The following OSBPL5 variants were observed in gnomAD, a reference collection of about 807,000 sequenced individuals.
OSBPL5 encodes the protein oxysterol binding protein like 5.
OSBPL5 carries 71 observed loss-of-function variants against 111.2 expected under a neutral mutation model. The observed-to-expected ratio is 0.64, with a 90% confidence interval of 0.53 to 0.78. The LOEUF (loss-of-function observed/expected upper bound fraction) is 0.78, where lower values mean the gene tolerates loss of function less well. Ranked by LOEUF, OSBPL5 falls within the 30% of genes least tolerant of loss-of-function variation. The probability of loss-of-function intolerance (pLI) is 0.00; values close to 1 mark genes in which losing one functional copy is unlikely to be tolerated. For synonymous variants in OSBPL5, 549 were observed against 513.9 expected, an observed-to-expected ratio of 1.07 and a Z score of -0.93; for missense variants, 1,210 against 1,189.3, an observed-to-expected ratio of 1.02 and a Z score of -0.26.
intron 13 of OSBPL5, among the ~76,000 whole-genome samples, chr11:3,100,865 G>A (rs779466710): frequency 2.0e-5 from 3 of 152,186 alleles, no homozygotes; most frequent in African/African-American, 4.8e-5. Context: ...CAGTCCAATG[G>A]GGCTGTCTCT....
At chr11:3,094,988 T>G (rs555902527) in intron 14 of OSBPL5, 1 of 152,106 alleles carries the variant, frequency 6.6e-6, no homozygotes, top group Non-Finnish European at 1.5e-5. Context: ...ACCCAAACAT[T>G]TGCACTCTAA....
In OSBPL5 at chr11:3,121,237, T is replaced by C. The variant is rs1370398234; in HGVS notation, c.403-613A>G. 6.6e-6 allele frequency among the ~76,000 whole-genome samples: 1 copy of C among 151,986 alleles called. No homozygotes were observed. Among genetic ancestry groups the C allele is most frequent in the Non-Finnish European group, 1.5e-5 (1 of 67,984 alleles). ...CATGCCTGGCTAATTTCTGTATTTTTAGTAGAGACGGGGTTTTGCCATTTT... is the reference window on the plus strand; with the variant it reads ...CATGCCTGGCTAATTTCTGTATTTTCAGTAGAGACGGGGTTTTGCCATTTT... On this transcript the variant is annotated intron_variant, in intron 5 of 21. Coordinates refer to ENST00000263650, the MANE Select transcript of OSBPL5 (RefSeq NM_020896.4). The surrounding 1 kb of genome is among the most constrained non-coding windows in gnomAD (Gnocchi z 4.3).
intron 12 of OSBPL5, among the ~76,000 whole-genome samples, chr11:3,101,926 G>A (rs187410433): frequency 1.3e-5 from 2 of 152,310 alleles, no homozygotes; most frequent in African/African-American, 4.8e-5. Flanking sequence ...AGTCCCCATC[G>A]GGAGATGGGA....
chr11:3,102,240 G>C lies in OSBPL5; in HGVS notation c.1368C>G (p.Phe456Leu). The change falls in exon 12 of 22, where the codon TTC becomes TTG. Residue 456 changes from phenylalanine to leucine, a missense_variant. By Grantham distance (22) the Phe-to-Leu change is conservative. Transcript: ENST00000263650. ...TCTGCGGGTGGAACCAGCAGCAGCG[G>C]AAGGTCTCCCCCAGGATGGGGTTGT... ...KPYNPILGET[F>L]RCCWFHPQTD... 1 of 1,609,082 alleles carries C rather than the reference G, an allele frequency of 6.2e-7. No individual in the cohort carries two copies. Among genetic ancestry groups the C allele is most frequent in the Non-Finnish European group, 8.5e-7 (1 of 1,178,192 alleles).
At chr11:3,120,660 T>A in intron 5 of OSBPL5, 36 bp from the exon 6 acceptor site, 4 of 1,602,042 alleles carry the variant, frequency 2.5e-6, no homozygotes, top group Non-Finnish European at 3.4e-6. Flanking sequence ...GCCCACCCTC[T>A]GGGGCCGCCA....
intron 1 of OSBPL5, among the ~76,000 whole-genome samples, chr11:3,134,810 G>A: frequency 6.6e-6 from 1 of 152,066 alleles, no homozygotes; most frequent in East Asian, 1.9e-4. Context: ...GGTGGGGTGG[G>A]GGTGATCCTG....
At chr11:3,101,776 A>G (rs1364907901) in intron 12 of OSBPL5, 77 bp from the exon 13 acceptor site, 1 of 1,226,518 alleles carries the variant, frequency 8.2e-7, no homozygotes, top group East Asian at 2.4e-5. Flanking sequence ...GCTTCCCCCA[A>G]AAAACCTGTC....
In OSBPL5 at chr11:3,142,706, T is replaced by C. The variant is rs1462938471; in HGVS notation, c.-21-13537A>G. 6.6e-6 allele frequency among the ~76,000 whole-genome samples: 1 copy of C among 152,112 alleles called. No homozygotes were observed. Among genetic ancestry groups the C allele is most frequent in the Non-Finnish European group, 1.5e-5 (1 of 68,012 alleles). ...CCACTCAGGTGGAGACCTGTCCCTC[T>C]GTCTCCGTGTCCGCGGGGCCCGGCA... On this transcript the variant is annotated intron_variant, in intron 1 of 21. Transcript: ENST00000263650. This position sits in a 1 kb window ranked among gnomAD's most constrained non-coding sequence, Gnocchi z 7.1.
In OSBPL5 at chr11:3,122,087, C is replaced by T; in HGVS notation, c.312G>A (p.Glu104=). 4 of 1,573,076 alleles carry T rather than the reference C, an allele frequency of 2.5e-6. No homozygotes were observed. Among genetic ancestry groups the T allele is most frequent in the African/African-American group, 1.3e-5 (1 of 74,522 alleles). Residue 104 remains glutamate, a synonymous_variant, in exon 5 of 22, where the codon GAG becomes GAA. Coordinates refer to ENST00000263650, the MANE Select transcript of OSBPL5 (RefSeq NM_020896.4). ...TKKETLKAQK[E]NYRQEKKRAT... ...CGCGCTTCTTCTCCTGCCGGTAGTT[C>T]TCCTTCTGCGCCTGGGCCCGGGGCA...
intron 14 of OSBPL5, among the ~76,000 whole-genome samples, chr11:3,098,190 T>C (rs1857338565): frequency 1.3e-5 from 2 of 151,022 alleles, no homozygotes; most frequent in Admixed American, 6.6e-5. Context: ...GAGTTACACG[T>C]CAAGTTAATT....
intron 1 of OSBPL5, among the ~76,000 whole-genome samples, chr11:3,132,050 C>CATCCATCT: frequency 6.7e-6 from 1 of 148,776 alleles, no homozygotes; most frequent in Non-Finnish European, 1.5e-5. Flanking sequence ...TCCATCCATC[C>CATCCATCT]ATTCACCCAC....
intron 1 of OSBPL5, among the ~76,000 whole-genome samples, chr11:3,153,861 A>G (rs1590732477): frequency 6.6e-6 from 1 of 152,224 alleles, no homozygotes; most frequent in East Asian, 1.9e-4. Flanking sequence ...TTTTGTTTTC[A>G]TTTTCTTTTT....
rs934250813 is a variant in OSBPL5, at chr11:3,106,401, C to T, written c.1059+862G>A. ...CAGAGCCCCCCGTTCCTGACAGCCC[C>T]CACCCCAGAGCGCAGCCCCCACCCC... On this transcript the variant is annotated intron_variant, in intron 9 of 21. Transcript: ENST00000263650. The surrounding 1 kb of genome is among the most constrained non-coding windows in gnomAD (Gnocchi z 8.4). Among the ~76,000 whole-genome samples the T allele has an allele frequency of 6.6e-6, 1 of 150,890 alleles. No homozygotes were observed. The highest frequency in any genetic ancestry group is 1.5e-5 in the Non-Finnish European group (1 of 67,960).
At chr11:3,129,930 G>A (rs12273261) in intron 1 of OSBPL5, among the ~76,000 whole-genome samples, 2,096 of 152,244 alleles carry the variant, frequency 0.014, 23 homozygotes, top group Middle Eastern at 0.024. Flanking sequence ...TCCCAGCCCC[G>A]CCCACTGGCA....
In OSBPL5 at chr11:3,162,242, G is replaced by A. The variant is rs952733325; in HGVS notation, c.-22+2974C>T. On this transcript the variant is annotated intron_variant, in intron 1 of 21. Transcript: ENST00000263650. This position sits in a 1 kb window ranked among gnomAD's most constrained non-coding sequence, Gnocchi z 8.1. Reference sequence around the variant, plus strand: ...AGGCAAGAGCTGGTAGGGCCAGGAGGGGAGTGGAGGCCAGCCCTGGAGGGA... The same window carrying A: ...AGGCAAGAGCTGGTAGGGCCAGGAGAGGAGTGGAGGCCAGCCCTGGAGGGA... Among the ~76,000 whole-genome samples the A allele has an allele frequency of 6.6e-6, 1 of 152,172 alleles. No homozygotes were observed. Among genetic ancestry groups the A allele is most frequent in the African/African-American group, 2.4e-5 (1 of 41,432 alleles).
At chr11:3,097,992 C>T (rs1857330951) in intron 14 of OSBPL5, among the ~76,000 whole-genome samples, 1 of 152,222 alleles carries the variant, frequency 6.6e-6, no homozygotes, top group African/African-American at 2.4e-5. Context: ...TGCTTGAACC[C>T]AGGTGGTGGA....
intron 1 of OSBPL5, among the ~76,000 whole-genome samples, chr11:3,144,057 C>A (rs1846245955): frequency 6.6e-6 from 1 of 152,162 alleles, no homozygotes; most frequent in African/African-American, 2.4e-5. Context: ...CTGAGCCCGG[C>A]AAACCTCGAT....
At chr11:3,156,788 G>A (rs1846772829) in intron 1 of OSBPL5, among the ~76,000 whole-genome samples, 2 of 152,340 alleles carry the variant, frequency 1.3e-5, no homozygotes, top group African/African-American at 2.4e-5. Context: ...CACACAGGCC[G>A]AGGGCCGGCA....
Position 3,092,753 on chromosome 11 carries a change from C to T in OSBPL5, c.2132+114G>A. The stretch of plus-strand genomic sequence containing the variant: ...ACTATCTGACCCTCCCCCACCGACT[C>T]CTCCAGGGGACAGGCTGAAGGTGAG... On this transcript the variant is annotated intron_variant, in intron 18 of 21. Transcript: ENST00000263650. The surrounding 1 kb of genome is among the most constrained non-coding windows in gnomAD (Gnocchi z 5.4). The T allele has an allele frequency of 1.4e-6, 2 of 1,390,806 alleles. No individual in the cohort carries two copies. Among genetic ancestry groups the T allele is most frequent in the Non-Finnish European group, 1.9e-6 (2 of 1,044,892 alleles). The allele number at this position is 1,390,806 out of a possible 1,614,324, so 86.2% of individuals were successfully genotyped here.
Sources: allele counts gnomAD v4.1 joint callset (sites outside exome capture counted in the v4.1 genomes callset), GRCh38; gene constraint gnomAD v4.1.1; non-coding constraint Gnocchi (gnomAD v3.1); transcripts MANE v1.5; gene names NCBI Gene and HGNC (gene_info 2026-07-23, HGNC 2026-07-21).